The following GRIA4 variants were observed in gnomAD, a reference collection of about 807,000 sequenced individuals.
GRIA4 encodes the protein glutamate receptor 4.
A neutral mutation model predicts 104.0 loss-of-function variants in GRIA4; 34 were observed. The ratio of observed to expected loss-of-function variants is 0.33; its 90% CI spans 0.25 to 0.44. GRIA4 has a LOEUF of 0.44. Among genes scored for constraint, GRIA4 ranks in the 20% least tolerant of loss-of-function variants. GRIA4 has a pLI of 1.00. For synonymous variants in GRIA4, 386 were observed against 381.9 expected, an observed-to-expected ratio of 1.01 and a Z score of -0.13; for missense variants, 750 against 1,096.5, an observed-to-expected ratio of 0.68 and a Z score of 4.46.
At chr11:105,685,210 G>A (rs1317121595) in intron 3 of GRIA4, among the ~76,000 whole-genome samples, 1 of 151,624 alleles carries the variant, frequency 6.6e-6, no homozygotes, top group East Asian at 1.9e-4. Flanking sequence ...AGGAAGGAAG[G>A]AAGTTAAAAA....
At chr11:105,883,098 A>T (rs1356477058) in intron 5 of GRIA4, among the ~76,000 whole-genome samples, 1 of 152,088 alleles carries the variant, frequency 6.6e-6, no homozygotes, top group Non-Finnish European at 1.5e-5. Context: ...AAAACAAAAC[A>T]AACAAAACCC....
chr11:105,653,751 G>C (rs1272165097), intron 3 of GRIA4, among the ~76,000 whole-genome samples: 1 of 151,858 alleles, frequency 6.6e-6, no homozygotes, highest in African/African-American at 2.4e-5. Context: ...CTTGGCTGTG[G>C]AAAGAAAAAT....
chr11:105,754,715 T>C (rs1211211457), intron 4 of GRIA4, among the ~76,000 whole-genome samples: 2 of 152,236 alleles, frequency 1.3e-5, no homozygotes, highest in South Asian at 2.1e-4. Flanking sequence ...CAACATATTA[T>C]ATTTAAAAAT....
chr11:105,883,718 A>T (rs555441700), intron 5 of GRIA4, among the ~76,000 whole-genome samples: 1 of 152,218 alleles, frequency 6.6e-6, no homozygotes, highest in East Asian at 1.9e-4. Context: ...GCTATTGTGA[A>T]TAGTGCTGCA....
Position 105,947,467 on chromosome 11 carries a change from T to C in GRIA4, c.2294+13498T>C, listed in dbSNP as rs960609113. Among the ~76,000 whole-genome samples, 48 of 152,182 alleles carry C rather than the reference T, an allele frequency of 3.2e-4. 3 individuals are homozygous for C. The highest frequency in any genetic ancestry group is 5.9e-5 in the Non-Finnish European group (4 of 68,026). On this transcript the variant is annotated intron_variant, in intron 14 of 16. Coordinates refer to ENST00000282499, the MANE Select transcript of GRIA4 (RefSeq NM_000829.4). Reference sequence around the variant, plus strand: ...TTATATCAGGAAGATTTGTTGTACTTTGAATTCTTATAAAATACTTCATAG... The same window carrying C: ...TTATATCAGGAAGATTTGTTGTACTCTGAATTCTTATAAAATACTTCATAG...
intron 3 of GRIA4, among the ~76,000 whole-genome samples, chr11:105,740,736 G>C (rs1939253823): frequency 6.6e-6 from 1 of 152,170 alleles, no homozygotes; most frequent in Admixed American, 6.6e-5. Flanking sequence ...AGACTGGTGA[G>C]AAGTCCAACT....
At chr11:105,857,860 T>C (rs1205665774) in intron 4 of GRIA4, among the ~76,000 whole-genome samples, 2 of 152,198 alleles carry the variant, frequency 1.3e-5, no homozygotes, top group Non-Finnish European at 2.9e-5. Flanking sequence ...TCTGCTGCTC[T>C]GTGTGCTGAC....
intron 4 of GRIA4, among the ~76,000 whole-genome samples, chr11:105,758,253 C>CT (rs557165447): frequency 2.0e-3 from 296 of 150,806 alleles, no homozygotes; most frequent in African/African-American, 5.3e-3. Flanking sequence ...TCTTAATTTT[C>CT]TTTTTTTTTG....
At chr11:105,851,057 T>C (rs1221685512) in intron 4 of GRIA4, among the ~76,000 whole-genome samples, 1 of 152,172 alleles carries the variant, frequency 6.6e-6, no homozygotes, top group Non-Finnish European at 1.5e-5. Context: ...TTCCTTTATA[T>C]AAAATGAAGA....
At chr11:105,888,168 T>C (rs899581612) in intron 6 of GRIA4, among the ~76,000 whole-genome samples, 6 of 151,888 alleles carry the variant, frequency 4.0e-5, no homozygotes, top group Non-Finnish European at 8.8e-5. Context: ...GTAGATTATG[T>C]ATGGAGCGGC....
chr11:105,881,428 G>A (rs1489455032), intron 5 of GRIA4, among the ~76,000 whole-genome samples: 1 of 152,168 alleles, frequency 6.6e-6, no homozygotes, highest in African/African-American at 2.4e-5. Context: ...GACATTGATA[G>A]TGTCTATTAT....
intron 14 of GRIA4, among the ~76,000 whole-genome samples, chr11:105,959,820 G>A (rs567290225): frequency 8.5e-5 from 13 of 152,264 alleles, no homozygotes; most frequent in Non-Finnish European, 1.5e-4. Context: ...TTGCTGATGC[G>A]GTTGTTGCTT....
rs138321970 is a variant in GRIA4, at chr11:105,699,031, C to G, written c.248-53950C>G. Reference sequence around the variant, plus strand: ...TATCCTAACTTCCTACAACTATTTCCTGTTTAAGAGTTTATAGACTTTTCG... The same window carrying G: ...TATCCTAACTTCCTACAACTATTTCGTGTTTAAGAGTTTATAGACTTTTCG... On this transcript the variant is annotated intron_variant, in intron 3 of 16. Coordinates refer to ENST00000282499, the MANE Select transcript of GRIA4 (RefSeq NM_000829.4). 7.2e-5 allele frequency among the ~76,000 whole-genome samples: 11 copies of G among 152,330 alleles called. No individual in the cohort carries two copies. In the East Asian group the frequency reaches 2.1e-3, roughly 29 times the overall value.
At chr11:105,791,538 T>G (rs1709123456) in intron 4 of GRIA4, among the ~76,000 whole-genome samples, 3 of 152,196 alleles carry the variant, frequency 2.0e-5, no homozygotes, top group Admixed American at 2.0e-4. Context: ...CAATTCTTAG[T>G]GATTGTTTCT....
intron 4 of GRIA4, among the ~76,000 whole-genome samples, chr11:105,809,648 C>T (rs1017067165): frequency 6.6e-6 from 1 of 152,080 alleles, no homozygotes; most frequent in African/African-American, 2.4e-5. Flanking sequence ...ACTTCACTCT[C>T]CTCTCTCTTG....
At chr11:105,612,600 T>C (rs945508059) in intron 3 of GRIA4, 166 bp downstream of exon 3, 9 of 414,982 alleles carry the variant, frequency 2.2e-5, no homozygotes, top group African/African-American at 1.1e-4. Context: ...TTCAGGGATA[T>C]TTAGTTGTTT....
chr11:105,678,402 T>A (rs2135458199), intron 3 of GRIA4, among the ~76,000 whole-genome samples: 1 of 152,216 alleles, frequency 6.6e-6, no homozygotes, highest in Non-Finnish European at 1.5e-5. Context: ...GAGTAATAGC[T>A]GAAAATTGTT....
At chr11:105,727,619 C>G (rs1479217014) in intron 3 of GRIA4, among the ~76,000 whole-genome samples, 4 of 152,074 alleles carry the variant, frequency 2.6e-5, no homozygotes, top group Non-Finnish European at 5.9e-5. Context: ...TTAAGGGCAG[C>G]CAGAGAGATA....
intron 5 of GRIA4, among the ~76,000 whole-genome samples, chr11:105,879,661 T>G (rs1449207450): frequency 6.6e-6 from 1 of 152,216 alleles, no homozygotes; most frequent in Admixed American, 6.5e-5. Context: ...AGGAGTACTT[T>G]GTATATATAC....
Sources: gnomAD v4.1 joint callset for allele counts (sites outside exome capture counted in the v4.1 genomes callset) on GRCh38, gnomAD v4.1.1 for gene constraint, MANE v1.5 for transcripts, NCBI Gene and HGNC (gene_info 2026-07-23, HGNC 2026-07-21) for gene names.